JMJD1C: variants seen among roughly 807,000 people sequenced by gnomAD.
JMJD1C encodes jumonji domain-containing protein 1C.
In JMJD1C, 31 loss-of-function variants were observed where a neutral mutation model predicts 245.3. That is an observed-to-expected ratio of 0.13 (90% confidence interval 0.09 to 0.17). JMJD1C has a LOEUF of 0.17. Among genes scored for constraint, JMJD1C ranks in the 10% least tolerant of loss-of-function variants. The pLI, the probability that JMJD1C is intolerant of heterozygous loss-of-function variation, is 1.00. For synonymous variants in JMJD1C, 1,057 were observed against 1,017.4 expected, an observed-to-expected ratio of 1.04 and a Z score of -0.74; for missense variants, 2,691 against 3,000.2, an observed-to-expected ratio of 0.90 and a Z score of 2.41.
At chr10:63,392,371 T>A (rs1217838646) in intron 1 of JMJD1C, among the ~76,000 whole-genome samples, 1 of 152,156 alleles carries the variant, frequency 6.6e-6, no homozygotes, top group Admixed American at 6.5e-5. Context: ...TAAATGCGAC[T>A]ATATTAAACT....
intron 3 of JMJD1C, among the ~76,000 whole-genome samples, chr10:63,237,763 T>C (rs994068062): frequency 6.6e-6 from 1 of 152,146 alleles, no homozygotes; most frequent in Non-Finnish European, 1.5e-5. Flanking sequence ...AAATCCAAAA[T>C]GCTCCAATGA....
chr10:63,254,601 C>G (rs552363794), intron 3 of JMJD1C, among the ~76,000 whole-genome samples: 1 of 152,114 alleles, frequency 6.6e-6, no homozygotes, highest in Non-Finnish European at 1.5e-5. Flanking sequence ...ATTGCAATGG[C>G]AGGATCTCAG....
chr10:63,206,954 C>T lies in JMJD1C; in HGVS notation c.4715G>A (p.Gly1572Glu), dbSNP rs772465112. ...DKNTNKMENS[G>E]NSVSEIIKPC... The stretch of plus-strand genomic sequence containing the variant: ...CTTAATAATTTCTGATACAGAATTC[C>T]CTGAATTTTCCATTTTATTAGTATT... The change falls in exon 10 of 26, where the codon GGG (glycine) becomes GAG (glutamate). Residue 1572 changes from glycine to glutamate, a missense_variant. By Grantham distance (98) the Gly-to-Glu change is moderately conservative (BLOSUM62 -2). Transcript: ENST00000399262. 22 of 1,611,882 alleles carry T rather than the reference C, an allele frequency of 1.4e-5. 1 individual carries two copies. In the South Asian group the frequency reaches 2.3e-4, roughly 17 times the overall value.
intron 2 of JMJD1C, among the ~76,000 whole-genome samples, chr10:63,375,129 T>C (rs577643296): frequency 8.3e-4 from 126 of 151,820 alleles, no homozygotes; most frequent in Non-Finnish European, 1.7e-3. Context: ...TCTTTCACCA[T>C]TGACTAGGAT....
chr10:63,285,709 G>A (rs766802075), intron 2 of JMJD1C, among the ~76,000 whole-genome samples: 5 of 152,184 alleles, frequency 3.3e-5, no homozygotes, highest in Non-Finnish European at 7.3e-5. Context: ...TCAGGAGGCT[G>A]AGTTGGGAGA....
chr10:63,432,455 A>C (rs976390711), intron 1 of JMJD1C, among the ~76,000 whole-genome samples: 5 of 150,272 alleles, frequency 3.3e-5, no homozygotes, highest in Non-Finnish European at 7.4e-5. Flanking sequence ...TGTGTGTGAC[A>C]CTATGAGCCT....
intron 2 of JMJD1C, among the ~76,000 whole-genome samples, chr10:63,308,055 G>A (rs949931954): frequency 6.6e-6 from 1 of 152,010 alleles, no homozygotes; most frequent in African/African-American, 2.4e-5. Flanking sequence ...TCAGGAGACT[G>A]ACGCAGAATC....
chr10:63,287,362 C>T (rs549196926), intron 2 of JMJD1C, among the ~76,000 whole-genome samples: 1 of 152,300 alleles, frequency 6.6e-6, no homozygotes, highest in East Asian at 1.9e-4. Flanking sequence ...AGCTGTCGTT[C>T]CACGTATGTG....
chr10:63,491,380 T>C (rs1954171509), intron 1 of JMJD1C, among the ~76,000 whole-genome samples: 1 of 152,202 alleles, frequency 6.6e-6, no homozygotes, highest in Admixed American at 6.5e-5. Context: ...CAATTAGTAT[T>C]CAATAAGATA....
intron 10 of JMJD1C, chr10:63,204,617 T>C (rs1423353753): frequency 3.0e-6 from 3 of 985,248 alleles, no homozygotes; most frequent in African/African-American, 3.5e-5. Context: ...ATGGGGGTAG[T>C]GAGGGAGAGT....
At chr10:63,506,956 C>A (rs1283169111) in intron 1 of JMJD1C, among the ~76,000 whole-genome samples, 2 of 152,150 alleles carry the variant, frequency 1.3e-5, no homozygotes, top group Non-Finnish European at 2.9e-5. Context: ...ATAATAATGG[C>A]TAATCTTTTT....
intron 3 of JMJD1C, among the ~76,000 whole-genome samples, chr10:63,260,772 T>C (rs1854612015): frequency 6.6e-6 from 1 of 151,940 alleles, no homozygotes. Context: ...TTTGTATTTT[T>C]AGTAGAGACT....
chr10:63,194,415 C>T, intron 13 of JMJD1C, 40 bp from the exon 14 acceptor site: 1 of 1,295,064 alleles, frequency 7.7e-7, no homozygotes, highest in Non-Finnish European at 1.1e-6. Flanking sequence ...CTCATGGTTT[C>T]ATAATTATAA....
chr10:63,302,400 T>A (rs754410237), intron 2 of JMJD1C, among the ~76,000 whole-genome samples: 3 of 152,220 alleles, frequency 2.0e-5, no homozygotes, highest in Non-Finnish European at 4.4e-5. Context: ...ACAGTGGCAG[T>A]CTTTCTACAC....
intron 2 of JMJD1C, among the ~76,000 whole-genome samples, chr10:63,309,911 C>T (rs553876642): frequency 5.3e-5 from 8 of 151,348 alleles, no homozygotes; most frequent in South Asian, 2.1e-4. Flanking sequence ...AACAAGATTT[C>T]GTCTCAAAAA....
chr10:63,200,465 T>C lies in JMJD1C; in HGVS notation c.5276+11A>G, dbSNP rs750807211. ...AAATTACTTTTTTCCCAATCTCATA[T>C]TTTCACTTACCGTCTAAAGTAGTAA... On this transcript the variant is annotated intron_variant, in intron 11 of 25. Coordinates refer to ENST00000399262, the MANE Select transcript of JMJD1C (RefSeq NM_032776.3). 1.9e-6 allele frequency: 3 copies of C among 1,600,684 alleles called. No individual in the cohort carries two copies. Among genetic ancestry groups the C allele is most frequent in the African/African-American group, 1.3e-5 (1 of 74,730 alleles).
rs760772102 is a variant in JMJD1C, at chr10:63,171,432, T to G, written c.7402-2866A>C. Among the ~76,000 whole-genome samples the G allele has an allele frequency of 7.2e-5, 11 of 152,350 alleles. No homozygotes were observed. In the South Asian group the frequency reaches 2.3e-3, roughly 32 times the overall value. ...GCTAAGATTATATATCTCAGCTTCC[T>G]TGAACAGACAGCCCACTCTTCTCAG... On this transcript the variant is annotated intron_variant, in intron 24 of 25. Transcript: ENST00000399262.
intron 2 of JMJD1C, among the ~76,000 whole-genome samples, chr10:63,340,605 C>G (rs112475786): frequency 3.8e-4 from 58 of 152,290 alleles, no homozygotes; most frequent in African/African-American, 1.3e-3. Flanking sequence ...TCTTACAAAA[C>G]AGTATGGTGC....
intron 2 of JMJD1C, among the ~76,000 whole-genome samples, chr10:63,308,946 C>T (rs1589440627): frequency 1.3e-5 from 2 of 152,026 alleles, no homozygotes; most frequent in African/African-American, 4.8e-5. Context: ...ATTCTATATG[C>T]TTTTAGAAAG....
Sources: gnomAD v4.1 joint callset for allele counts (sites outside exome capture counted in the v4.1 genomes callset) on GRCh38, gnomAD v4.1.1 for gene constraint, MANE v1.5 for transcripts, NCBI Gene and HGNC (gene_info 2026-07-23, HGNC 2026-07-21) for gene names.